Variants in THSD7B observed in about 807,000 individuals in gnomAD.
THSD7B encodes the protein thrombospondin type 1 domain containing 7B.
THSD7B carries 138 observed loss-of-function variants against 213.6 expected under a neutral mutation model. The ratio of observed to expected loss-of-function variants is 0.65; its 90% CI spans 0.56 to 0.74. The LOEUF is 0.74. Ranked by LOEUF, THSD7B falls within the 30% of genes least tolerant of loss-of-function variation. The pLI is 0.00. For synonymous variants in THSD7B, 742 were observed against 687.0 expected, an observed-to-expected ratio of 1.08 and a Z score of -1.25; for missense variants, 1,931 against 1,991.5, an observed-to-expected ratio of 0.97 and a Z score of 0.58.
chr2:137,185,718 T>C (rs1432500888), intron 7 of THSD7B, among the ~76,000 whole-genome samples: 1 of 152,184 alleles, frequency 6.6e-6, no homozygotes, highest in African/African-American at 2.4e-5. Flanking sequence ...TTCATGTGTT[T>C]GTGGTAGAAC....
Position 137,118,362 on chromosome 2 carries a change from A to G in THSD7B, c.1369+3069A>G, listed in dbSNP as rs541170522. On this transcript the variant is annotated intron_variant, in intron 5 of 27. Transcript: ENST00000409968. ...AATGCACTTTCAAAATCTAATAAAG[A>G]CCAGGGCAAATGTATTCCATGTATG... Among the ~76,000 whole-genome samples, 3 of 152,300 alleles carry G rather than the reference A, an allele frequency of 2.0e-5. 1 individual carries two copies. In the South Asian group the frequency reaches 6.2e-4, roughly 32 times the overall value.
At chr2:136,995,194 G>A (rs903237749) in intron 2 of THSD7B, among the ~76,000 whole-genome samples, 1 of 152,198 alleles carries the variant, frequency 6.6e-6, no homozygotes, top group Non-Finnish European at 1.5e-5. Context: ...GCAAATTCTA[G>A]TGGGGTCTGT....
intron 1 of THSD7B, among the ~76,000 whole-genome samples, chr2:136,780,339 G>A (rs910764969): frequency 6.6e-6 from 1 of 152,118 alleles, no homozygotes; most frequent in African/African-American, 2.4e-5. Context: ...CCATTCATGA[G>A]TGCATGTGCC....
At chr2:137,584,730 C>A (rs1023629632) in intron 17 of THSD7B, among the ~76,000 whole-genome samples, 1 of 152,110 alleles carries the variant, frequency 6.6e-6, no homozygotes, top group Non-Finnish European at 1.5e-5. Flanking sequence ...CTGCTGGATT[C>A]GGTTTGCAAG....
At position 137,189,782 on chromosome 2, in the gene THSD7B, C is replaced by T. The variant is rs1558952174; in HGVS notation, c.1723+18844C>T. Reference sequence around the variant, plus strand: ...TGCGGACCTCACAGACGGCTCCCTTCTCTCATCTGCTATTTCACACAAACT... The same window carrying T: ...TGCGGACCTCACAGACGGCTCCCTTTTCTCATCTGCTATTTCACACAAACT... On this transcript the variant is annotated intron_variant, in intron 7 of 27. Transcript: ENST00000409968. 2.0e-5 allele frequency among the ~76,000 whole-genome samples: 3 copies of T among 152,230 alleles called. No individual in the cohort carries two copies. In the South Asian group the frequency reaches 6.2e-4, roughly 32 times the overall value.
At chr2:137,396,031 G>A (rs1686175356) in intron 12 of THSD7B, among the ~76,000 whole-genome samples, 1 of 152,022 alleles carries the variant, frequency 6.6e-6, no homozygotes, top group Non-Finnish European at 1.5e-5. Flanking sequence ...ATTTTTTATT[G>A]TGTCTATTTG....
At chr2:137,273,978 G>A (rs1573926459) in intron 11 of THSD7B, among the ~76,000 whole-genome samples, 1 of 151,994 alleles carries the variant, frequency 6.6e-6, no homozygotes, top group African/African-American at 2.4e-5. Context: ...CTATTAGTGG[G>A]ATCTTCCATT....
chr2:137,319,120 A>G (rs1388129477), intron 12 of THSD7B, among the ~76,000 whole-genome samples: 1 of 151,910 alleles, frequency 6.6e-6, no homozygotes. Context: ...ATATCTTTCT[A>G]TACTCTCTGC....
chr2:137,117,050 T>A (rs930725249), intron 5 of THSD7B, among the ~76,000 whole-genome samples: 3 of 152,218 alleles, frequency 2.0e-5, no homozygotes, highest in Non-Finnish European at 4.4e-5. Context: ...CACGACTGTA[T>A]ACTCCTGTAC....
At chr2:137,548,643 T>C (rs1280417798) in intron 15 of THSD7B, among the ~76,000 whole-genome samples, 1 of 152,062 alleles carries the variant, frequency 6.6e-6, no homozygotes, top group South Asian at 2.1e-4. Context: ...CTTTATTCTG[T>C]ACACGTCATG....
At chr2:137,092,672 T>C (rs1357525989) in intron 3 of THSD7B, among the ~76,000 whole-genome samples, 1 of 152,162 alleles carries the variant, frequency 6.6e-6, no homozygotes, top group Non-Finnish European at 1.5e-5. Flanking sequence ...ACTTTGCCCG[T>C]CACCCAGGCT....
intron 24 of THSD7B, among the ~76,000 whole-genome samples, chr2:137,658,094 T>C (rs1465667185): frequency 6.6e-6 from 1 of 152,242 alleles, no homozygotes; most frequent in Admixed American, 6.5e-5. Flanking sequence ...ACAGAGAGCT[T>C]GTGCAAGAGC....
At chr2:136,800,324 T>C (rs1682153591) in intron 1 of THSD7B, among the ~76,000 whole-genome samples, 1 of 152,002 alleles carries the variant, frequency 6.6e-6, no homozygotes, top group Non-Finnish European at 1.5e-5. Context: ...TTAAGCATCA[T>C]ATTAAGTAGT....
intron 14 of THSD7B, among the ~76,000 whole-genome samples, chr2:137,422,470 A>G (rs1686949293): frequency 6.6e-6 from 1 of 152,214 alleles, no homozygotes; most frequent in African/African-American, 2.4e-5. Context: ...GAGAAAATTC[A>G]GCTACTGACA....
chr2:137,294,130 G>A (rs569817680), intron 12 of THSD7B, among the ~76,000 whole-genome samples: 45 of 151,822 alleles, frequency 3.0e-4, no homozygotes, highest in African/African-American at 1.0e-3. Context: ...GTGCTAACTT[G>A]TAATCATTGG....
chr2:137,446,518 T>C (rs1002990977), intron 14 of THSD7B, among the ~76,000 whole-genome samples: 2 of 152,056 alleles, frequency 1.3e-5, no homozygotes, highest in Non-Finnish European at 2.9e-5. Flanking sequence ...TCCATCTTTA[T>C]CTGTAATAGG....
chr2:136,787,869 C>A (rs1038807124), intron 1 of THSD7B, among the ~76,000 whole-genome samples: 1 of 151,974 alleles, frequency 6.6e-6, no homozygotes, highest in African/African-American at 2.4e-5. Flanking sequence ...TCCTTCTGTC[C>A]TAAGGCTGCC....
chr2:137,658,358 G>T (rs901135097), intron 24 of THSD7B, among the ~76,000 whole-genome samples: 1 of 152,068 alleles, frequency 6.6e-6, no homozygotes, highest in Non-Finnish European at 1.5e-5. Context: ...TTCTCTGCAC[G>T]GAATTCCTCA....
At chr2:136,786,952 C>T (rs1196692073) in intron 1 of THSD7B, among the ~76,000 whole-genome samples, 4 of 152,112 alleles carry the variant, frequency 2.6e-5, no homozygotes, top group African/African-American at 7.2e-5. Flanking sequence ...CATCAGCTTT[C>T]TCTGGGTTAA....
Sources: allele counts gnomAD v4.1 joint callset (sites outside exome capture counted in the v4.1 genomes callset), GRCh38; gene constraint gnomAD v4.1.1; transcripts MANE v1.5; gene names NCBI Gene and HGNC (gene_info 2026-07-23, HGNC 2026-07-21).